The following CDH4 variants were observed in gnomAD, a reference collection of about 807,000 sequenced individuals.
CDH4 encodes cadherin 4.
Under a neutral mutation model 86.0 loss-of-function variants are expected in CDH4, and 33 were observed. The observed-to-expected ratio is 0.38, with a 90% confidence interval of 0.29 to 0.51. The LOEUF (loss-of-function observed/expected upper bound fraction) is 0.51. CDH4 is among the 20% of genes least tolerant of loss of function. CDH4 has a pLI of 0.86. For synonymous variants in CDH4, 555 were observed against 549.4 expected, an observed-to-expected ratio of 1.01 and a Z score of -0.14; for missense variants, 1,114 against 1,307.4, an observed-to-expected ratio of 0.85 and a Z score of 2.28.
chr20:61,886,185 C>T (rs1984531503), intron 7 of CDH4, among the ~76,000 whole-genome samples: 1 of 152,166 alleles, frequency 6.6e-6, no homozygotes. Context: ...GGGGTGGGGG[C>T]AGCATCCAGG....
chr20:61,684,668 A>G lies in CDH4; in HGVS notation c.170-58895A>G, dbSNP rs886201685. On this transcript the variant is annotated intron_variant, in intron 2 of 15. Coordinates refer to ENST00000614565, the MANE Select transcript of CDH4 (RefSeq NM_001794.5). This position sits in a 1 kb window ranked among gnomAD's most constrained non-coding sequence, Gnocchi z 4.5. ...TCTTGGGTAGTTTCATTTTATCTCA[A>G]AGTCTTACAAACCATCTTAGCGTTT... Among the ~76,000 whole-genome samples the G allele has an allele frequency of 6.6e-6, 1 of 151,916 alleles. No homozygotes were observed. The highest frequency in any genetic ancestry group is 1.5e-5 in the Non-Finnish European group (1 of 68,004).
chr20:61,577,868 A>G (rs1210957892), intron 2 of CDH4, among the ~76,000 whole-genome samples: 1 of 152,192 alleles, frequency 6.6e-6, no homozygotes, highest in Non-Finnish European at 1.5e-5. Context: ...CCTGTGGATC[A>G]TCTAAGAAGC....
intron 2 of CDH4, among the ~76,000 whole-genome samples, chr20:61,701,907 A>G (rs6089479): frequency 0.25 from 38,247 of 152,164 alleles, 4,942 homozygotes; most frequent in East Asian, 0.35. Context: ...TTATCACAGA[A>G]GCATGGGTGT....
intron 2 of CDH4, among the ~76,000 whole-genome samples, chr20:61,296,367 C>T (rs2084354817): frequency 6.6e-6 from 1 of 151,732 alleles, no homozygotes; most frequent in South Asian, 2.1e-4. Flanking sequence ...TACTACCTGC[C>T]TGACTCTTTT....
At position 61,480,232 on chromosome 20, in the gene CDH4, C is replaced by T. The variant is rs1226958510; in HGVS notation, c.169+225295C>T. On this transcript the variant is annotated intron_variant, in intron 2 of 15. Transcript: ENST00000614565. The surrounding 1 kb of genome is among the most constrained non-coding windows in gnomAD (Gnocchi z 5.2). ...ATCCATCTCTTCCACCCCAGGAGGACCCCAGGCTCCCCCTCTCGTGGTAGC... is the reference window on the plus strand; with the variant it reads ...ATCCATCTCTTCCACCCCAGGAGGATCCCAGGCTCCCCCTCTCGTGGTAGC... Among the ~76,000 whole-genome samples, 1 of 152,132 alleles carries T rather than the reference C, an allele frequency of 6.6e-6. No homozygotes were observed. Among genetic ancestry groups the T allele is most frequent in the Non-Finnish European group, 1.5e-5 (1 of 68,012 alleles).
At chr20:61,749,932 G>A (rs1486887757) in intron 3 of CDH4, among the ~76,000 whole-genome samples, 25 of 152,064 alleles carry the variant, frequency 1.6e-4, no homozygotes, top group Admixed American at 1.6e-3. Flanking sequence ...ATGGTGGCAC[G>A]CCCCTGTAAT....
rs570239723 is a variant in CDH4 at position 61,656,340 on chromosome 20, G to C, written c.170-87223G>C. On this transcript the variant is annotated intron_variant, in intron 2 of 15. Coordinates refer to ENST00000614565, the MANE Select transcript of CDH4 (RefSeq NM_001794.5). Reference sequence around the variant, plus strand: ...AAGTGGGCAGGCGCGTGCTGGGGTGGGTAGGCGCGTGCTGAAGTGGGCAGG... The same window carrying C: ...AAGTGGGCAGGCGCGTGCTGGGGTGCGTAGGCGCGTGCTGAAGTGGGCAGG... 5.5e-4 allele frequency among the ~76,000 whole-genome samples: 79 copies of C among 144,786 alleles called. 1 individual carries two copies. The highest frequency in any genetic ancestry group is 2.0e-3 in the African/African-American group (74 of 36,648). 95.0% of individuals were successfully genotyped at this position (144,786 alleles called of 152,430 possible).
intron 2 of CDH4, among the ~76,000 whole-genome samples, chr20:61,265,861 A>T (rs1013939368): frequency 5.9e-5 from 9 of 152,152 alleles, no homozygotes; most frequent in African/African-American, 2.2e-4. Context: ...TGGCTCCAGG[A>T]GCTCCTGCCA....
At chr20:61,671,409 T>A (rs527595822) in intron 2 of CDH4, among the ~76,000 whole-genome samples, 8 of 152,142 alleles carry the variant, frequency 5.3e-5, no homozygotes, top group Non-Finnish European at 8.8e-5. Context: ...GGCAGGAGGA[T>A]TGCTTGAGCC....
At chr20:61,502,451 C>G (rs557820108) in intron 2 of CDH4, among the ~76,000 whole-genome samples, 1 of 152,118 alleles carries the variant, frequency 6.6e-6, no homozygotes, top group African/African-American at 2.4e-5. Flanking sequence ...GCCACTGGTT[C>G]AAGAAGTGTT....
chr20:61,901,355 C>G (rs551889183), intron 8 of CDH4, among the ~76,000 whole-genome samples: 3 of 152,232 alleles, frequency 2.0e-5, no homozygotes, highest in Non-Finnish European at 4.4e-5. Context: ...CTGAATAGAA[C>G]ACAGAATTGC....
At chr20:61,906,329 C>T (rs1480660869) in intron 8 of CDH4, among the ~76,000 whole-genome samples, 7 of 152,232 alleles carry the variant, frequency 4.6e-5, no homozygotes, top group Admixed American at 3.9e-4. Context: ...GTCAATAAAA[C>T]TTTATTTATA....
chr20:61,254,703 C>T (rs2084088450), intron 1 of CDH4, 123 bp from the exon 2 acceptor site: 5 of 708,336 alleles, frequency 7.1e-6, no homozygotes, highest in South Asian at 6.6e-5. Context: ...TGGGTGGAGA[C>T]GGTGGCCTGC....
At chr20:61,258,015 A>G (rs1002024357) in intron 2 of CDH4, among the ~76,000 whole-genome samples, 5 of 152,168 alleles carry the variant, frequency 3.3e-5, no homozygotes, top group African/African-American at 9.7e-5. Flanking sequence ...ACATGGGTAC[A>G]CTATGGGCCA....
chr20:61,349,313 G>C (rs1170266901), intron 2 of CDH4, among the ~76,000 whole-genome samples: 2 of 152,246 alleles, frequency 1.3e-5, no homozygotes, highest in Non-Finnish European at 2.9e-5. Context: ...TGCAACCTGG[G>C]ATTCAGCCCC....
chr20:61,679,084 C>T (rs776177335), intron 2 of CDH4, among the ~76,000 whole-genome samples: 12 of 152,160 alleles, frequency 7.9e-5, no homozygotes, highest in Non-Finnish European at 1.6e-4. Flanking sequence ...ACCCAGAGCC[C>T]GGAAGAGCGA....
intron 2 of CDH4, among the ~76,000 whole-genome samples, chr20:61,483,376 A>G (rs558960231): frequency 2.6e-5 from 4 of 152,316 alleles, no homozygotes; most frequent in Admixed American, 6.5e-5. Flanking sequence ...GCTCAAAACC[A>G]TGGGAGTCAT....
intron 2 of CDH4, among the ~76,000 whole-genome samples, chr20:61,465,881 A>G (rs561295897): frequency 6.9e-6 from 1 of 145,766 alleles, no homozygotes; most frequent in Non-Finnish European, 1.5e-5. Flanking sequence ...TTTTTTTTGC[A>G]GGGTGGCAGG....
chr20:61,310,735 G>A (rs6028102), intron 2 of CDH4, among the ~76,000 whole-genome samples: 1 of 152,200 alleles, frequency 6.6e-6, no homozygotes, highest in East Asian at 1.9e-4. Context: ...GGTGTTGGCA[G>A]GGTTGGGTTT....
Sources: gnomAD v4.1 joint callset for allele counts (sites outside exome capture counted in the v4.1 genomes callset) on GRCh38, gnomAD v4.1.1 for gene constraint, Gnocchi (gnomAD v3.1) non-coding constraint, MANE v1.5 for transcripts, NCBI Gene and HGNC (gene_info 2026-07-23, HGNC 2026-07-21) for gene names.